CAPSL: variants seen among roughly 807,000 people sequenced by gnomAD.
The protein encoded by CAPSL is calcyphosin-like protein.
In CAPSL, 17 loss-of-function variants were observed where a neutral mutation model predicts 21.3. The ratio of observed to expected loss-of-function variants is 0.80; its 90% CI spans 0.55 to 1.20. CAPSL has a LOEUF of 1.20. CAPSL is among the 50% of genes most tolerant of loss of function. CAPSL has a pLI of 0.00. For missense variants in CAPSL, 289 were observed against 259.3 expected, an observed-to-expected ratio of 1.11 and a Z score of -0.79; for synonymous variants, 102 against 89.3, an observed-to-expected ratio of 1.14 and a Z score of -0.80.
intron 1 of CAPSL, among the ~76,000 whole-genome samples, chr5:35,929,412 C>T (rs1738765951): frequency 6.6e-6 from 1 of 151,834 alleles, no homozygotes. Flanking sequence ...CCTGCCTCAG[C>T]CTCCCGAGTA....
At position 35,910,653 on chromosome 5, in the gene CAPSL, G is replaced by C. The variant is rs1738197260; in HGVS notation, c.138-110C>G. ...GGTTTCGTCAAATTAAAATACAAAAGTCTTAAATTCTTCTCTGCACCCTCC... is the reference window on the plus strand; with the variant it reads ...GGTTTCGTCAAATTAAAATACAAAACTCTTAAATTCTTCTCTGCACCCTCC... On this transcript the variant is annotated intron_variant, in intron 2 of 4. Transcript: ENST00000651391. The C allele has an allele frequency of 6.0e-6, 5 of 828,964 alleles. No homozygotes were observed. In the Admixed American group the frequency reaches 1.5e-4, roughly 26 times the overall value. 51.4% of individuals were successfully genotyped at this position (828,964 alleles called of 1,614,324 possible). A position where few individuals can be genotyped will look rare whatever the true frequency, so the allele number is the denominator to read the frequency against.
At chr5:35,910,280 C>G in intron 3 of CAPSL, 86 bp downstream of exon 3, 1 of 1,438,654 alleles carries the variant, frequency 7.0e-7, no homozygotes, top group Non-Finnish European at 9.5e-7. Context: ...GTACTAACAA[C>G]TTGTAAAAAC....
intron 2 of CAPSL, among the ~76,000 whole-genome samples, chr5:35,914,712 G>A (rs954587574): frequency 4.1e-4 from 62 of 152,242 alleles, no homozygotes; most frequent in African/African-American, 1.4e-3. Context: ...TCAAAGCAGT[G>A]TGTAGAGGGA....
At chr5:35,914,409 C>G (rs191219197) in intron 2 of CAPSL, among the ~76,000 whole-genome samples, 1 of 151,772 alleles carries the variant, frequency 6.6e-6, no homozygotes, top group African/African-American at 2.4e-5. Flanking sequence ...AATATACATT[C>G]TTTTCAGCAC....
intron 1 of CAPSL, among the ~76,000 whole-genome samples, chr5:35,932,546 G>A (rs1445483238): frequency 6.6e-6 from 1 of 152,060 alleles, no homozygotes; most frequent in Non-Finnish European, 1.5e-5. Context: ...AAGGAGTCTG[G>A]GAAACCTGAT....
intron 2 of CAPSL, among the ~76,000 whole-genome samples, chr5:35,913,239 A>C (rs1487303822): frequency 6.6e-6 from 1 of 152,254 alleles, no homozygotes; most frequent in African/African-American, 2.4e-5. Context: ...TGATTGGTGT[A>C]CCTGAAAGTG....
intron 4 of CAPSL, among the ~76,000 whole-genome samples, chr5:35,906,833 GGCAA>G (rs1418606661): frequency 6.6e-6 from 1 of 152,094 alleles, no homozygotes; most frequent in African/African-American, 2.4e-5. Context: ...ATCCAAGATG[GGCAA>G]AAGATAAAGG....
chr5:35,929,816 C>T (rs563121823), intron 1 of CAPSL, among the ~76,000 whole-genome samples: 10 of 152,264 alleles, frequency 6.6e-5, no homozygotes, highest in South Asian at 2.1e-4. Context: ...AACATGACCC[C>T]TTCTCCCATC....
intron 1 of CAPSL, among the ~76,000 whole-genome samples, chr5:35,936,191 G>C (rs142503427): frequency 6.6e-6 from 1 of 151,956 alleles, no homozygotes; most frequent in South Asian, 2.1e-4. Flanking sequence ...AAAGTATAGC[G>C]CTCTAAGGGC....
intron 2 of CAPSL, among the ~76,000 whole-genome samples, chr5:35,917,158 A>G (rs1221095244): frequency 6.6e-6 from 1 of 152,244 alleles, no homozygotes; most frequent in East Asian, 1.9e-4. Context: ...AATCAAAACC[A>G]CAATGACATA....
chr5:35,936,910 T>C (rs1738961162), intron 1 of CAPSL, among the ~76,000 whole-genome samples: 1 of 152,244 alleles, frequency 6.6e-6, no homozygotes, highest in East Asian at 1.9e-4. Flanking sequence ...TTCAGTTTAA[T>C]GTTCCAGAGC....
chr5:35,927,171 G>T (rs1738706198), intron 1 of CAPSL, among the ~76,000 whole-genome samples: 1 of 152,178 alleles, frequency 6.6e-6, no homozygotes, highest in African/African-American at 2.4e-5. Context: ...GCTTGAGACA[G>T]CACGTACTGT....
At chr5:35,922,257 G>C (rs1321504793) in intron 1 of CAPSL, among the ~76,000 whole-genome samples, 1 of 151,986 alleles carries the variant, frequency 6.6e-6, no homozygotes, top group Non-Finnish European at 1.5e-5. Flanking sequence ...ACCCTGAAAG[G>C]TCTCCCATAG....
At chr5:35,916,796 T>C (rs1738399448) in intron 2 of CAPSL, among the ~76,000 whole-genome samples, 1 of 152,186 alleles carries the variant, frequency 6.6e-6, no homozygotes, top group South Asian at 2.1e-4. Flanking sequence ...ATTCAGGACA[T>C]AGGCATGGGC....
intron 1 of CAPSL, among the ~76,000 whole-genome samples, chr5:35,925,496 G>T (rs1454943072): frequency 6.6e-6 from 1 of 152,128 alleles, no homozygotes; most frequent in Non-Finnish European, 1.5e-5. Flanking sequence ...AGGTATGGGT[G>T]GCAGGGGGAG....
chr5:35,917,066 G>A (rs1403581740), intron 2 of CAPSL, among the ~76,000 whole-genome samples: 1 of 152,122 alleles, frequency 6.6e-6, no homozygotes, highest in African/African-American at 2.4e-5. Flanking sequence ...GATATGAACA[G>A]GCACTTCTCA....
chr5:35,928,515 T>A (rs1580895206), intron 1 of CAPSL, among the ~76,000 whole-genome samples: 1 of 152,262 alleles, frequency 6.6e-6, no homozygotes, highest in South Asian at 2.1e-4. Flanking sequence ...CCATTTGAGT[T>A]TGAATCAACT....
chr5:35,916,960 T>A (rs1448653002), intron 2 of CAPSL, among the ~76,000 whole-genome samples: 1 of 152,102 alleles, frequency 6.6e-6, no homozygotes, highest in East Asian at 1.9e-4. Flanking sequence ...TTTTGCAACC[T>A]ACTCATCTGA....
rs183125514 is a variant in CAPSL, at chr5:35,926,641, T to A, written c.1-5521A>T. On this transcript the variant is annotated intron_variant, in intron 1 of 4. Coordinates refer to ENST00000651391, the MANE Select transcript of CAPSL (RefSeq NM_001042625.2). ...GCATCTATTGACTTGTCTTTGGTGC[T>A]CCCTGGTGGCAGTAAGCTGAATTAC... is the stretch of plus-strand genomic sequence containing the variant. 2.0e-5 allele frequency among the ~76,000 whole-genome samples: 3 copies of A among 152,280 alleles called. No homozygotes were observed. The East Asian group carries it at 5.8e-4, about 29-fold the overall frequency.
Sources: allele counts gnomAD v4.1 joint callset (sites outside exome capture counted in the v4.1 genomes callset), GRCh38; gene constraint gnomAD v4.1.1; transcripts MANE v1.5; gene names NCBI Gene and HGNC (gene_info 2026-07-23, HGNC 2026-07-21).